The following KTN1 variants were observed in gnomAD, a reference collection of about 807,000 sequenced individuals.
KTN1 encodes kinectin.
A neutral mutation model predicts 222.5 loss-of-function variants in KTN1; 130 were observed. That is an observed-to-expected ratio of 0.58 (90% confidence interval 0.51 to 0.68). KTN1 has a LOEUF of 0.68. Ranked by LOEUF, KTN1 falls within the 30% of genes least tolerant of loss-of-function variation. KTN1 has a pLI of 0.00. For synonymous variants in KTN1, 512 were observed against 496.3 expected, an observed-to-expected ratio of 1.03 and a Z score of -0.42; for missense variants, 1,508 against 1,500.4, an observed-to-expected ratio of 1.01 and a Z score of -0.08.
Position 55,670,739 on chromosome 14 carries a change from A to T in KTN1, c.3278A>T (p.Glu1093Val), listed in dbSNP as rs1165066832. 6.2e-7 allele frequency: 1 copy of T among 1,608,114 alleles called. No individual in the cohort carries two copies. Among genetic ancestry groups the T allele is most frequent in the East Asian group, 2.2e-5 (1 of 44,670 alleles). Residue 1093 changes from glutamate to valine, a missense_variant, in exon 35 of 44, where the codon GAA becomes GTA. By Grantham distance (121) the Glu-to-Val change is moderately radical (BLOSUM62 -2). Coordinates refer to ENST00000395314, the MANE Select transcript of KTN1 (RefSeq NM_001079521.2). ...TTTTCTCGTCCACAGAGTTATGGTGAATGGTTGCATGGATTTGAAAAAAAG... is the reference window on the plus strand; with the variant it reads ...TTTTCTCGTCCACAGAGTTATGGTGTATGGTTGCATGGATTTGAAAAAAAG... Reference protein sequence around the residue: ...VSVPSNLSYGEWLHGFEKKAK... With the variant: ...VSVPSNLSYGVWLHGFEKKAK...
intron 41 of KTN1, among the ~76,000 whole-genome samples, chr14:55,677,587 T>C (rs2045994051): frequency 6.6e-6 from 1 of 152,118 alleles, no homozygotes; most frequent in Non-Finnish European, 1.5e-5. Context: ...ACATAATATG[T>C]AGAGAGGGAT....
Position 55,631,341 on chromosome 14 carries a change from G to GATATATATATATATATATATAT in KTN1, c.1221+1251_1221+1272dup, listed in dbSNP as rs56190231. Among the ~76,000 whole-genome samples, 164 of 114,650 alleles carry GATATATATATATATATATATAT rather than the reference G, an allele frequency of 1.4e-3. 3 individuals carry two copies. The highest frequency in any genetic ancestry group is 5.5e-3 in the African/African-American group (150 of 27,478). The allele number at this position is 114,650 out of a possible 152,430, so 75.2% of individuals were successfully genotyped here. On this transcript the variant is annotated intron_variant, in intron 7 of 43. Coordinates refer to ENST00000395314, the MANE Select transcript of KTN1 (RefSeq NM_001079521.2). ...CTAAAACTCACCTATTGATAAGGTT[G>GATATATATATATATATATATAT]ATATATATATATATATATATATATA...
At chr14:55,682,321 G>T (rs1438138272) in intron 43 of KTN1, 1 of 152,076 alleles carries the variant, frequency 6.6e-6, no homozygotes, top group African/African-American at 2.4e-5. Flanking sequence ...CTTTCCATTT[G>T]TGGGGAGTGG....
intron 41 of KTN1, among the ~76,000 whole-genome samples, chr14:55,678,059 G>C (rs1164652448): frequency 1.3e-5 from 2 of 152,184 alleles, no homozygotes. Flanking sequence ...AACAGGCTTT[G>C]GGCCAGATTT....
At chr14:55,592,189 G>A (rs545902629) in intron 1 of KTN1, among the ~76,000 whole-genome samples, 1 of 152,204 alleles carries the variant, frequency 6.6e-6, no homozygotes, top group Non-Finnish European at 1.5e-5. Context: ...CTACCTCACG[G>A]TTATGAAGAT....
At chr14:55,673,115 A>C (rs1331590210) in intron 39 of KTN1, 57 bp from the exon 40 acceptor site, 1 of 1,500,690 alleles carries the variant, frequency 6.7e-7, no homozygotes. Flanking sequence ...TCCGAGTAGC[A>C]TACAAAACAT....
rs113080743 is a variant in KTN1, at chr14:55,619,308, A to G, written c.959A>G (p.Lys320Arg). 10 of 1,613,420 alleles carry G rather than the reference A, an allele frequency of 6.2e-6. No homozygotes were observed. In the African/African-American group the frequency reaches 6.7e-5, roughly 11 times the overall value. ...EKSGVIQDALKKSSKGELTTL... is the reference protein window; with the variant it reads ...EKSGVIQDALRKSSKGELTTL... ...TCTGGTGTAATACAAGATGCTTTAA[A>G]GAAGGTAAGCGTGTTTTTTGATTAT... Residue 320 changes from lysine (K) to arginine (R), a missense_variant, in exon 5 of 44, where the codon AAG becomes AGG. Physicochemically the swap from Lys to Arg is conservative, Grantham distance 26. Transcript: ENST00000395314.
chr14:55,635,496 G>C (rs1031946654), intron 9 of KTN1, among the ~76,000 whole-genome samples: 1 of 152,092 alleles, frequency 6.6e-6, no homozygotes, highest in Admixed American at 6.5e-5. Context: ...GCTTGCACTC[G>C]ACCCATGATG....
intron 1 of KTN1, among the ~76,000 whole-genome samples, chr14:55,600,492 GA>G (rs1437384104): frequency 6.6e-6 from 1 of 152,122 alleles, no homozygotes; most frequent in Non-Finnish European, 1.5e-5. Flanking sequence ...AAACTAAAAA[GA>G]ACTTGTCTTT....
chr14:55,648,826 C>G lies in KTN1; in HGVS notation c.2323C>G (p.Leu775Val). ...GGCAATAAGAACAGAAAATTCATCT[C>G]TGACAAAAGAAGTTCAAGACTTAAA... ...LNAIRTENSS[L>V]TKEVQDLKAK... The change falls in exon 21 of 44, where the codon CTG (leucine) becomes GTG (valine). Residue 775 changes from leucine (L) to valine (V), a missense_variant. By Grantham distance (32) the Leu-to-Val change is conservative. Coordinates refer to ENST00000395314, the MANE Select transcript of KTN1 (RefSeq NM_001079521.2). The G allele has an allele frequency of 6.2e-7, 1 of 1,605,628 alleles. No homozygotes were observed. Among genetic ancestry groups the G allele is most frequent in the Non-Finnish European group, 8.5e-7 (1 of 1,173,460 alleles).
chr14:55,653,473 TGGTG>T, intron 27 of KTN1, 82 bp from the exon 28 acceptor site: 1 of 982,630 alleles, frequency 1.0e-6, no homozygotes, highest in Non-Finnish European at 1.6e-6. Context: ...TTGTTTTTAT[TGGTG>T]GGTGATTCCA....
In KTN1 at chr14:55,672,626, T is replaced by A. The variant is rs200826039; in HGVS notation, c.3532-4T>A. 3.5e-5 allele frequency: 55 copies of A among 1,593,018 alleles called. No individual in the cohort carries two copies. In the Middle Eastern group the frequency reaches 6.6e-4, roughly 19 times the overall value. On this transcript the variant is annotated splice_region_variant and splice_polypyrimidine_tract_variant and intron_variant, in intron 37 of 43. Transcript: ENST00000395314. ...CTTGGCCATGTAATTGTTTCACATT[T>A]CAGATGCAGTCATCATTTACATCTT...
rs562884615 is a variant in KTN1, at chr14:55,624,698, A to G, written c.964-3214A>G. Among the ~76,000 whole-genome samples, 6 of 152,318 alleles carry G rather than the reference A, an allele frequency of 3.9e-5. No individual in the cohort carries two copies. The East Asian group carries it at 9.6e-4, about 24-fold the overall frequency. On this transcript the variant is annotated intron_variant, in intron 5 of 43. Transcript: ENST00000395314. Reference sequence around the variant, plus strand: ...AACCCCAGGAAACACCAACAATGAAAGGGCAAGGAAAATCACCATGAAAGA... The same window carrying G: ...AACCCCAGGAAACACCAACAATGAAGGGGCAAGGAAAATCACCATGAAAGA...
intron 24 of KTN1, 153 bp from the exon 25 acceptor site, chr14:55,651,735 CAA>C: frequency 3.5e-6 from 2 of 568,580 alleles, no homozygotes; most frequent in East Asian, 6.1e-5. Context: ...TTATTGGAGT[CAA>C]GAGGAGGTAA....
intron 7 of KTN1, among the ~76,000 whole-genome samples, chr14:55,631,341 G>GAGATAGATAGATATATATATATAT (rs71448461): frequency 3.5e-5 from 4 of 114,718 alleles, no homozygotes; most frequent in Admixed American, 9.3e-5. Context: ...TGATAAGGTT[G>GAGATAGATAGATATATATATATAT]ATATATATAT....
At chr14:55,591,253 TTC>T (rs1445614857) in intron 1 of KTN1, among the ~76,000 whole-genome samples, 4 of 152,204 alleles carry the variant, frequency 2.6e-5, no homozygotes, top group Non-Finnish European at 5.9e-5. Context: ...TTCCATGCTG[TTC>T]TGTTTCATTA....
chr14:55,615,007 A>C (rs2038141813), intron 2 of KTN1, among the ~76,000 whole-genome samples: 1 of 152,196 alleles, frequency 6.6e-6, no homozygotes, highest in East Asian at 1.9e-4. Context: ...AGGTAGTAGA[A>C]GGCATGGGAG....
rs1486328433 is a variant in KTN1, at chr14:55,637,250, T to G, written c.1602T>G (p.Ser534Arg). ...AKENEVQSLH[S>R]KLTDTLVSKQ... is the part of the protein sequence containing the mutation. Reference sequence around the variant, plus strand: ...AAAATGAAGTACAGAGTCTGCATAGTAAGCTTACAGATACCTTGGTATCAA... The same window carrying G: ...AAAATGAAGTACAGAGTCTGCATAGGAAGCTTACAGATACCTTGGTATCAA... The change falls in exon 11 of 44, where the codon AGT becomes AGG. Residue 534 changes from serine (S) to arginine (R), a missense_variant. Ser to Arg is a moderately radical substitution (Grantham distance 110). Coordinates refer to ENST00000395314, the MANE Select transcript of KTN1 (RefSeq NM_001079521.2). 2 of 1,611,406 alleles carry G rather than the reference T, an allele frequency of 1.2e-6. No individual in the cohort carries two copies. The highest frequency in any genetic ancestry group is 2.2e-5 in the South Asian group (2 of 90,768).
chr14:55,661,481 T>G lies in KTN1; in HGVS notation c.3000-41T>G, dbSNP rs892279657. ...GTAGGGATCTAAGTTGTATTACTGTTTACCTAAAATCTTGCTACATGTATT... is the reference window on the plus strand; with the variant it reads ...GTAGGGATCTAAGTTGTATTACTGTGTACCTAAAATCTTGCTACATGTATT... On this transcript the variant is annotated intron_variant, in intron 31 of 43. Transcript: ENST00000395314. The G allele has an allele frequency of 4.8e-6, 5 of 1,051,170 alleles. No homozygotes were observed. In the African/African-American group the frequency reaches 7.8e-5, roughly 16 times the overall value. 65.1% of individuals were successfully genotyped at this position (1,051,170 alleles called of 1,614,324 possible).
Sources: allele counts gnomAD v4.1 joint callset (sites outside exome capture counted in the v4.1 genomes callset), GRCh38; gene constraint gnomAD v4.1.1; transcripts MANE v1.5; gene names NCBI Gene and HGNC (gene_info 2026-07-23, HGNC 2026-07-21).